The following SLC8A2 variants were observed in gnomAD, a reference collection of about 807,000 sequenced individuals.
SLC8A2 encodes solute carrier family 8 member A2.
Under a neutral mutation model 70.2 loss-of-function variants are expected in SLC8A2, and 14 were observed. The observed-to-expected ratio is 0.20, with a 90% CI of 0.13 to 0.31. The LOEUF is 0.31. SLC8A2 is among the 10% of genes least tolerant of loss of function. The probability of loss-of-function intolerance (pLI) is 1.00; values close to 1 mark genes in which losing one functional copy is unlikely to be tolerated. For synonymous variants in SLC8A2, 575 were observed against 594.3 expected (o/e 0.97, Z 0.47); for missense variants, 779 against 1,320.1 (o/e 0.59, Z 6.35).
rs188440697 is a variant in SLC8A2, at chr19:47,437,376, G to C, written c.2110+86C>G. ...CCGCGCCCGGCCTGTTTATCTTTGTGCCTGTCTCTCCATTCATTTCTCCCC... is the reference window on the plus strand; with the variant it reads ...CCGCGCCCGGCCTGTTTATCTTTGTCCCTGTCTCTCCATTCATTTCTCCCC... On this transcript the variant is annotated intron_variant, in intron 8 of 9. Transcript: ENST00000236877. 105 of 1,000,808 alleles carry C rather than the reference G, an allele frequency of 1.0e-4. No homozygotes were observed. The African/African-American group carries it at 1.6e-3, about 15-fold the overall frequency. 62.0% of individuals were successfully genotyped at this position (1,000,808 alleles called of 1,614,324 possible).
Position 47,457,309 on chromosome 19 carries a change from C to T in SLC8A2, c.961G>A (p.Asp321Asn). 1 of 1,545,166 alleles carries T rather than the reference C, an allele frequency of 6.5e-7. No homozygotes were observed. Among genetic ancestry groups the T allele is most frequent in the African/African-American group, 1.4e-5 (1 of 72,176 alleles). ...TTGTCCGGGTGCTTCTGCTTGAGGT[C>T]CTTGAGGATCTGGATGACCTCGCGG... ...SRREVIQILK[D>N]LKQKHPDKDL... The change falls in exon 3 of 10, where the codon GAC becomes AAC. Residue 321 changes from aspartate to asparagine, a missense_variant. Physicochemically the swap from Asp to Asn is conservative, Grantham distance 23 (BLOSUM62 1). Transcript: ENST00000236877.
At chr19:47,460,906 G>A (rs1416537900) in intron 2 of SLC8A2, among the ~76,000 whole-genome samples, 1 of 151,642 alleles carries the variant, frequency 6.6e-6, no homozygotes, top group African/African-American at 2.4e-5. Flanking sequence ...CAAAGATGAA[G>A]AAGAAAAGAT....
rs778304958 is a variant in SLC8A2 at position 47,447,777 on chromosome 19, G to A, written c.1763+32C>T. The A allele has an allele frequency of 1.3e-6, 2 of 1,549,120 alleles. No individual in the cohort carries two copies. Among genetic ancestry groups the A allele is most frequent in the Non-Finnish European group, 1.7e-6 (2 of 1,159,608 alleles). ...CAGGCCTCGCCCATTCCGAAGCCCC[G>A]CCCCTCTCCGGGCCGCCTCGGGCGT... On this transcript the variant is annotated intron_variant, in intron 4 of 9. Transcript: ENST00000236877. This position sits in a 1 kb window ranked among gnomAD's most constrained non-coding sequence, Gnocchi z 5.1.
chr19:47,434,296 G>C (rs1027578651), intron 8 of SLC8A2, among the ~76,000 whole-genome samples: 1 of 152,156 alleles, frequency 6.6e-6, no homozygotes, highest in Non-Finnish European at 1.5e-5. Context: ...ACATGCCTAG[G>C]CTTGGCATTC....
Position 47,466,443 on chromosome 19 carries a change from T to C in SLC8A2, c.-16-24A>G. On this transcript the variant is annotated intron_variant, in intron 1 of 9. Transcript: ENST00000236877. This position sits in a 1 kb window ranked among gnomAD's most constrained non-coding sequence, Gnocchi z 6.9. The stretch of plus-strand genomic sequence containing the variant: ...TCCTATGGGGGAGGAGGAGGAGGTC[T>C]GGGTGAGGGAAGCAAACCTCTTTCT... The C allele has an allele frequency of 1.2e-6, 1 of 822,604 alleles. No individual in the cohort carries two copies. Among genetic ancestry groups the C allele is most frequent in the Non-Finnish European group, 1.8e-6 (1 of 540,972 alleles). The allele number at this position is 822,604 out of a possible 1,614,324, so 51.0% of individuals were successfully genotyped here. A position where few individuals can be genotyped will look rare whatever the true frequency, so the allele number is the denominator to read the frequency against.
In SLC8A2 at chr19:47,432,038, T is replaced by C; in HGVS notation, c.2389+129A>G. On this transcript the variant is annotated intron_variant, in intron 9 of 9. Coordinates refer to ENST00000236877, the MANE Select transcript of SLC8A2 (RefSeq NM_015063.3). This position sits in a 1 kb window ranked among gnomAD's most constrained non-coding sequence, Gnocchi z 6.2. ...TGCCTGGCTTCTATTATGCCCCACC[T>C]CCGTATTTCTCTGAGACCCACCACA... 2.4e-6 allele frequency: 2 copies of C among 848,466 alleles called. No individual in the cohort carries two copies. The highest frequency in any genetic ancestry group is 3.5e-6 in the Non-Finnish European group (2 of 566,514). 52.6% of individuals were successfully genotyped at this position (848,466 alleles called of 1,614,324 possible). A position where few individuals can be genotyped will look rare whatever the true frequency, so the allele number is the denominator to read the frequency against.
rs780867774 is a variant in SLC8A2, at chr19:47,432,406, C to T, written c.2150G>A (p.Arg717Gln). ...EEEEDGSREE[R>Q]LPSCFDYVMH... ...CACGTAGTCAAAGCACGACGGCAGCCGCTCCTCCCGGGACCCGTCCTCCTC... is the reference window on the plus strand; with the variant it reads ...CACGTAGTCAAAGCACGACGGCAGCTGCTCCTCCCGGGACCCGTCCTCCTC... Residue 717 changes from arginine to glutamine, a missense_variant, in exon 9 of 10, where the codon CGG becomes CAG. Arg to Gln is a conservative substitution (Grantham distance 43). This residue lies in a region of SLC8A2 where 247 missense variants were observed against 362.8 expected (regional missense o/e 0.68). Transcript: ENST00000236877. The surrounding 1 kb of genome is among the most constrained non-coding windows in gnomAD (Gnocchi z 6.2). 3.5e-5 allele frequency: 57 copies of T among 1,609,736 alleles called. No individual in the cohort carries two copies. Among genetic ancestry groups the T allele is most frequent in the Non-Finnish European group, 4.8e-5 (57 of 1,177,704 alleles).
At chr19:47,440,593 AT>A (rs11414467) in intron 6 of SLC8A2, among the ~76,000 whole-genome samples, 53 of 148,414 alleles carry the variant, frequency 3.6e-4, no homozygotes, top group African/African-American at 1.1e-3. Flanking sequence ...CACTCAGCTA[AT>A]TTTTTTTTTT....
chr19:47,466,506 TG>T lies in SLC8A2; in HGVS notation c.-16-88del. The T allele has an allele frequency of 1.7e-6, 1 of 585,344 alleles. No homozygotes were observed. The highest frequency in any genetic ancestry group is 3.0e-6 in the Non-Finnish European group (1 of 332,510). The allele number at this position is 585,344 out of a possible 1,614,324, so 36.3% of individuals were successfully genotyped here. On this transcript the variant is annotated intron_variant, in intron 1 of 9. Transcript: ENST00000236877. The surrounding 1 kb of genome is among the most constrained non-coding windows in gnomAD (Gnocchi z 6.9). Reference sequence around the variant, plus strand: ...TCAAAGCTCACTGGGGAAGGAGGGTTGGGGGAGAAGCTGAGGACCAATGCAG... The same window carrying T: ...TCAAAGCTCACTGGGGAAGGAGGGTTGGGGAGAAGCTGAGGACCAATGCAG...
intron 4 of SLC8A2, among the ~76,000 whole-genome samples, chr19:47,446,840 C>G (rs1967168822): frequency 1.0e-5 from 1 of 99,936 alleles, no homozygotes; most frequent in Admixed American, 1.1e-4. Context: ...ACGCCTGGCC[C>G]TGCCGTGTGT....
chr19:47,432,572 C>A lies in SLC8A2; in HGVS notation c.2111-127G>T. The A allele has an allele frequency of 1.0e-6, 1 of 966,100 alleles. No homozygotes were observed. The highest frequency in any genetic ancestry group is 1.5e-6 in the Non-Finnish European group (1 of 665,240). The allele number at this position is 966,100 out of a possible 1,614,324, so 59.8% of individuals were successfully genotyped here. ...AACTTCTTTCCCAGAATCCCTTGCA[C>A]CTACCTGTGGCCAAGTCAACTGCTA... is the stretch of plus-strand genomic sequence containing the variant. On this transcript the variant is annotated intron_variant, in intron 8 of 9. Transcript: ENST00000236877. The surrounding 1 kb of genome is among the most constrained non-coding windows in gnomAD (Gnocchi z 6.2).
intron 3 of SLC8A2, among the ~76,000 whole-genome samples, chr19:47,452,431 AGAGAGAGAGAGAGAGTGT>A (rs1482724604): frequency 0.011 from 1,110 of 104,874 alleles, 4 homozygotes; most frequent in East Asian, 0.03. Context: ...AGAGAGAGAG[AGAGAGAGAGAGAGAGTGT>A]GTGTGTGTGT....
chr19:47,454,852 G>A (rs568168982), intron 3 of SLC8A2, among the ~76,000 whole-genome samples: 39 of 152,288 alleles, frequency 2.6e-4, no homozygotes, highest in African/African-American at 8.2e-4. Flanking sequence ...TTGGGAGGCC[G>A]AGGCGGGTGG....
At position 47,456,033 on chromosome 19, in the gene SLC8A2, C is replaced by T. The variant is rs187045225; in HGVS notation, c.1340+897G>A. Among the ~76,000 whole-genome samples, 190 of 152,300 alleles carry T rather than the reference C, an allele frequency of 1.2e-3. 3 individuals carry two copies. Among genetic ancestry groups the T allele is most frequent in the Non-Finnish European group, 1.1e-3 (75 of 68,026 alleles). ...TGTTTAGTAGTTTATATCCTCATTGCAATTTGAGGGCAGGGACCTTAGCTG... is the reference window on the plus strand; with the variant it reads ...TGTTTAGTAGTTTATATCCTCATTGTAATTTGAGGGCAGGGACCTTAGCTG... On this transcript the variant is annotated intron_variant, in intron 3 of 9. Coordinates refer to ENST00000236877, the MANE Select transcript of SLC8A2 (RefSeq NM_015063.3).
chr19:47,457,855 T>C (rs1308562913), intron 2 of SLC8A2, among the ~76,000 whole-genome samples: 11 of 151,528 alleles, frequency 7.3e-5, no homozygotes, highest in Admixed American at 7.2e-4. Context: ...TTTTTTTTAT[T>C]TGAGACAGAG....
chr19:47,434,149 C>T (rs924311747), intron 8 of SLC8A2, among the ~76,000 whole-genome samples: 6 of 152,222 alleles, frequency 3.9e-5, no homozygotes, highest in African/African-American at 1.4e-4. Context: ...TAAGACATGG[C>T]TGAGGTCAGA....
chr19:47,437,356 C>T, intron 8 of SLC8A2, 106 bp downstream of exon 8: 1 of 850,334 alleles, frequency 1.2e-6, no homozygotes, highest in South Asian at 1.5e-5. Flanking sequence ...AGCCACCGCG[C>T]CCGGCCTGTT....
At chr19:47,435,510 A>C (rs1224955020) in intron 8 of SLC8A2, among the ~76,000 whole-genome samples, 5 of 147,968 alleles carry the variant, frequency 3.4e-5, no homozygotes, top group Admixed American at 2.0e-4. Flanking sequence ...ACCTCAAAGG[A>C]GCCTCTGCAG....
rs745437118 is a variant in SLC8A2, at chr19:47,447,895, G to A, written c.1677C>T (p.Tyr559=). The A allele has an allele frequency of 1.3e-5, 20 of 1,588,976 alleles. No homozygotes were observed. Among genetic ancestry groups the A allele is most frequent in the Non-Finnish European group, 1.7e-6 (2 of 1,170,206 alleles). ...CGCGCGCCGTGCCGTCCACCGTGCG[G>A]TAGGGAAGGCGCACGGTGCCGCGCG... ...SGARGTVRLP[Y]RTVDGTARGG... is the part of the protein sequence containing the mutation. Residue 559 remains tyrosine (Y), a synonymous_variant, in exon 4 of 10, where the codon TAC becomes TAT. Coordinates refer to ENST00000236877, the MANE Select transcript of SLC8A2 (RefSeq NM_015063.3). The surrounding 1 kb of genome is among the most constrained non-coding windows in gnomAD (Gnocchi z 5.1).
Sources: allele counts gnomAD v4.1 joint callset (sites outside exome capture counted in the v4.1 genomes callset), GRCh38; gene constraint gnomAD v4.1.1; regional missense constraint gnomAD v4.1.1; non-coding constraint Gnocchi (gnomAD v3.1); transcripts MANE v1.5; gene names NCBI Gene and HGNC (gene_info 2026-07-23, HGNC 2026-07-21).